Variants in CFAP20DC observed in about 807,000 individuals in gnomAD.
CFAP20DC encodes protein CFAP20DC.
A neutral mutation model predicts 101.7 loss-of-function variants in CFAP20DC; 84 were observed. The observed-to-expected ratio is 0.83, with a 90% CI of 0.69 to 0.99. The LOEUF (loss-of-function observed/expected upper bound fraction) is 0.99, where lower values mean the gene tolerates loss of function less well. CFAP20DC is among the 50% of genes least tolerant of loss of function. CFAP20DC has a pLI of 0.00. For missense variants in CFAP20DC, 1,007 were observed against 970.3 expected, an observed-to-expected ratio of 1.04 and a Z score of -0.50; for synonymous variants, 359 against 351.2, an observed-to-expected ratio of 1.02 and a Z score of -0.25.
At chr3:58,908,282 G>A (rs747526680) in intron 6 of CFAP20DC, among the ~76,000 whole-genome samples, 16 of 151,928 alleles carry the variant, frequency 1.1e-4, no homozygotes, top group Non-Finnish European at 1.9e-4. Flanking sequence ...TCACTTTTCA[G>A]TTTTGGATAA....
At chr3:59,023,938 T>C (rs144218328) in intron 4 of CFAP20DC, among the ~76,000 whole-genome samples, 111 of 152,202 alleles carry the variant, frequency 7.3e-4, no homozygotes, top group African/African-American at 2.5e-3. Flanking sequence ...AACATTTTCA[T>C]CCCAAAATGT....
chr3:58,861,324 T>C lies in CFAP20DC; in HGVS notation c.1593+2234A>G. 1 of 733,092 alleles carries C rather than the reference T, an allele frequency of 1.4e-6. No homozygotes were observed. Among genetic ancestry groups the C allele is most frequent in the Non-Finnish European group, 1.7e-6 (1 of 599,980 alleles). The allele number at this position is 733,092 out of a possible 1,614,324, so 45.4% of individuals were successfully genotyped here. A position where few individuals can be genotyped will look rare whatever the true frequency, so the allele number is the denominator to read the frequency against. ...TCCACCATTATTTACAACTTGACAT[T>C]ATGTTTTCCTGAAGTATAATTATAC... On this transcript the variant is annotated intron_variant, in intron 12 of 16. Transcript: ENST00000482387. This position sits in a 1 kb window ranked among gnomAD's most constrained non-coding sequence, Gnocchi z 4.0.
At chr3:58,723,847 G>A (rs187578696) in intron 3 of CFAP20DC, among the ~76,000 whole-genome samples, 87 of 152,328 alleles carry the variant, frequency 5.7e-4, no homozygotes, top group Admixed American at 9.8e-4. Flanking sequence ...AGGTGACTGA[G>A]TGAGTGGCAT....
rs773017513 is a variant in CFAP20DC, at chr3:58,884,596, G to C, written c.664C>G (p.Arg222Gly). 5 of 1,613,804 alleles carry C rather than the reference G, an allele frequency of 3.1e-6. No homozygotes were observed. Among genetic ancestry groups the C allele is most frequent in the Non-Finnish European group, 3.4e-6 (4 of 1,179,904 alleles). ...VTQLLNMTKL[R>G]QTEIKFGGHP... ...CCTCCGAATTTTATTTCAGTTTGGCGAAGTTTAGTCATGTTTAGCAGCTGT... is the reference window on the plus strand; with the variant it reads ...CCTCCGAATTTTATTTCAGTTTGGCCAAGTTTAGTCATGTTTAGCAGCTGT... The change falls in exon 7 of 17, where the codon CGC becomes GGC. Residue 222 changes from arginine to glycine, a missense_variant. Transcript: ENST00000482387.
intron 14 of CFAP20DC, among the ~76,000 whole-genome samples, chr3:58,821,434 A>G (rs2075636520): frequency 6.6e-6 from 1 of 152,208 alleles, no homozygotes; most frequent in Non-Finnish European, 1.5e-5. Flanking sequence ...CAATGAACAC[A>G]AACAAATTCA....
At chr3:59,003,275 G>A (rs1249936087) in intron 4 of CFAP20DC, among the ~76,000 whole-genome samples, 1 of 152,102 alleles carries the variant, frequency 6.6e-6, no homozygotes, top group Non-Finnish European at 1.5e-5. Context: ...AACTTTTGCT[G>A]CACATCTATT....
chr3:58,863,878 G>T lies in CFAP20DC; in HGVS notation c.1273C>A (p.Pro425Thr). Reference sequence around the variant, plus strand: ...TATGAAATGTGATCAGCATTTTCAGGAAAAATCCACTCATCTGACAGTTGG... The same window carrying T: ...TATGAAATGTGATCAGCATTTTCAGTAAAAATCCACTCATCTGACAGTTGG... ...SPDQSDEWIF[P>T]ENADHISYLA... Residue 425 changes from proline to threonine, a missense_variant, in exon 12 of 17, where the codon CCT (proline) becomes ACT (threonine). By Grantham distance (38) the Pro-to-Thr change is conservative. Coordinates refer to ENST00000482387, the MANE Select transcript of CFAP20DC (RefSeq NM_001394063.1). This position sits in a 1 kb window ranked among gnomAD's most constrained non-coding sequence, Gnocchi z 5.9. 6.2e-7 allele frequency: 1 copy of T among 1,610,106 alleles called. No individual in the cohort carries two copies. Among genetic ancestry groups the T allele is most frequent in the Non-Finnish European group, 8.5e-7 (1 of 1,177,708 alleles).
Position 58,903,221 on chromosome 3 carries a change from A to T in CFAP20DC, c.550+10487T>A, listed in dbSNP as rs76332450. Among the ~76,000 whole-genome samples, 655 of 152,272 alleles carry T rather than the reference A, an allele frequency of 4.3e-3. 9 individuals carry two copies. Among genetic ancestry groups the T allele is most frequent in the African/African-American group, 0.014 (601 of 41,554 alleles). On this transcript the variant is annotated intron_variant, in intron 6 of 16. Transcript: ENST00000482387. ...TGCTTTTGGTATCATATCTAATACTATTGACAATGCAAGGTCATGAAGATT... is the reference window on the plus strand; with the variant it reads ...TGCTTTTGGTATCATATCTAATACTTTTGACAATGCAAGGTCATGAAGATT...
intron 15 of CFAP20DC, 148 bp downstream of exon 15, chr3:58,806,247 G>C (rs2074043749): frequency 3.2e-6 from 2 of 623,882 alleles, no homozygotes; most frequent in Admixed American, 5.5e-5. Flanking sequence ...AAAGTCCAAA[G>C]AAGACAAGTA....
intron 4 of CFAP20DC, among the ~76,000 whole-genome samples, chr3:59,033,571 C>A (rs541542579): frequency 6.6e-6 from 1 of 151,778 alleles, no homozygotes; most frequent in African/African-American, 2.4e-5. Context: ...TATCAACAGC[C>A]AAATCATTCA....
At chr3:58,762,447 G>C (rs1218573532) in intron 15 of CFAP20DC, among the ~76,000 whole-genome samples, 2 of 152,032 alleles carry the variant, frequency 1.3e-5, no homozygotes, top group African/African-American at 4.8e-5. Flanking sequence ...ACATGAGATG[G>C]GTTTCCTGAA....
chr3:58,880,232 G>A (rs2081126921), intron 7 of CFAP20DC, among the ~76,000 whole-genome samples: 2 of 152,112 alleles, frequency 1.3e-5, no homozygotes, highest in South Asian at 4.1e-4. Flanking sequence ...TAATTATCAA[G>A]TTTCCTGTGT....
intron 4 of CFAP20DC, among the ~76,000 whole-genome samples, chr3:59,033,683 A>G (rs2094040064): frequency 6.6e-6 from 1 of 152,236 alleles, no homozygotes; most frequent in African/African-American, 2.4e-5. Flanking sequence ...AAGAGCCTCC[A>G]AAAATATGAG....
At chr3:58,847,350 G>A (rs1575896716) in intron 13 of CFAP20DC, among the ~76,000 whole-genome samples, 14 of 147,384 alleles carry the variant, frequency 9.5e-5, no homozygotes, top group African/African-American at 2.5e-4. Context: ...CAAAAAGTGG[G>A]TGAAGGACAT....
At chr3:58,812,154 T>G (rs1336552055) in intron 14 of CFAP20DC, among the ~76,000 whole-genome samples, 2 of 152,160 alleles carry the variant, frequency 1.3e-5, no homozygotes. Context: ...TGGCGATTCC[T>G]TAGGGATCTA....
chr3:58,963,862 C>A (rs1205030026), intron 4 of CFAP20DC, among the ~76,000 whole-genome samples: 2 of 152,160 alleles, frequency 1.3e-5, no homozygotes, highest in East Asian at 3.9e-4. Context: ...GGAGGTCAGA[C>A]ACACCTCACT....
At chr3:58,891,248 C>A (rs1204494171) in intron 6 of CFAP20DC, among the ~76,000 whole-genome samples, 2 of 151,938 alleles carry the variant, frequency 1.3e-5, no homozygotes, top group East Asian at 3.9e-4. Context: ...CACAGCGAAA[C>A]CCCGTCTCCA....
chr3:59,007,148 G>A lies in CFAP20DC; in HGVS notation c.278+32409C>T, dbSNP rs1030915418. On this transcript the variant is annotated intron_variant, in intron 4 of 16. Transcript: ENST00000482387. This position sits in a 1 kb window ranked among gnomAD's most constrained non-coding sequence, Gnocchi z 4.4. The stretch of plus-strand genomic sequence containing the variant: ...CTCTGGAACAAAACCCCATTGGCCT[G>A]AGAACCACCCCCAACTCCCCAACAG... Among the ~76,000 whole-genome samples the A allele has an allele frequency of 6.6e-6, 1 of 152,138 alleles. No homozygotes were observed.
intron 15 of CFAP20DC, chr3:58,794,223 A>G (rs1294603621): frequency 1.3e-5 from 5 of 392,228 alleles, no homozygotes; most frequent in South Asian, 7.3e-5. Flanking sequence ...TTGTTTCAGA[A>G]TATAGTTTTT....
Sources: gnomAD v4.1 joint callset for allele counts (sites outside exome capture counted in the v4.1 genomes callset) on GRCh38, gnomAD v4.1.1 for gene constraint, Gnocchi (gnomAD v3.1) non-coding constraint, MANE v1.5 for transcripts, NCBI Gene and HGNC (gene_info 2026-07-23, HGNC 2026-07-21) for gene names.